Variants in STAB2 observed in about 807,000 individuals in gnomAD.
STAB2 encodes stabilin 2, also known as stabilin-2.
STAB2 carries 288 observed loss-of-function variants against 338.1 expected under a neutral mutation model. The observed-to-expected ratio is 0.85, with a 90% CI of 0.77 to 0.94. The LOEUF is 0.94. STAB2 is among the 40% of genes least tolerant of loss of function. STAB2 has a pLI of 0.00. For synonymous variants in STAB2, 1,202 were observed against 1,193.3 expected, an observed-to-expected ratio of 1.01 and a Z score of -0.15; for missense variants, 3,141 against 3,210.1, an observed-to-expected ratio of 0.98 and a Z score of 0.52.
At chr12:103,695,130 G>A (rs1440897727) in intron 31 of STAB2, among the ~76,000 whole-genome samples, 1 of 152,156 alleles carries the variant, frequency 6.6e-6, no homozygotes, top group Non-Finnish European at 1.5e-5. Context: ...AAAATAAATG[G>A]AGAACCTAAA....
At chr12:103,660,301 T>G (rs1874498259) in intron 15 of STAB2, 30 bp from the exon 16 acceptor site, 1 of 1,611,758 alleles carries the variant, frequency 6.2e-7, no homozygotes, top group African/African-American at 1.3e-5. Flanking sequence ...TTTTCTTCTT[T>G]GACTAAAGAA....
At chr12:103,749,675 C>CA (rs34098671) in intron 59 of STAB2, among the ~76,000 whole-genome samples, 33,514 of 131,564 alleles carry the variant, frequency 0.25, 4,154 homozygotes, top group African/African-American at 0.28. Context: ...TAAAAAAATG[C>CA]AAAAAAAAAA....
chr12:103,695,752 A>T lies in STAB2; in HGVS notation c.3490A>T (p.Asn1164Tyr). The change falls in exon 33 of 69, where the codon AAT becomes TAT. Residue 1164 changes from asparagine (N) to tyrosine (Y), a missense_variant. Physicochemically the swap from Asn to Tyr is moderately radical, Grantham distance 143. Transcript: ENST00000388887. ...RGYIIQYNLANAIEAADAYTV... is the reference protein window; with the variant it reads ...RGYIIQYNLAYAIEAADAYTV... The stretch of plus-strand genomic sequence containing the variant: ...TCCATCGCAGCAATATAATCTGGCG[A>T]ATGCAATTGAGGCTGCCGATGCCTA... 6.2e-7 allele frequency: 1 copy of T among 1,614,190 alleles called. No individual in the cohort carries two copies. Among genetic ancestry groups the T allele is most frequent in the African/African-American group, 1.3e-5 (1 of 75,050 alleles).
intron 41 of STAB2, among the ~76,000 whole-genome samples, chr12:103,712,786 A>T (rs1189870788): frequency 6.6e-6 from 1 of 152,194 alleles, no homozygotes; most frequent in African/African-American, 2.4e-5. Context: ...TGTGTCCATT[A>T]AAAAAGAATT....
In STAB2 at chr12:103,730,234, A is replaced by G. The variant is rs759377811; in HGVS notation, c.5201A>G (p.Lys1734Arg). 1.2e-6 allele frequency: 2 copies of G among 1,613,654 alleles called. No homozygotes were observed. The highest frequency in any genetic ancestry group is 8.5e-7 in the Non-Finnish European group (1 of 1,179,784). Residue 1734 changes from lysine (K) to arginine (R), a missense_variant, in exon 49 of 69, where the codon AAA becomes AGA. Transcript: ENST00000388887. ...CCCAAAAATTTGCTTATCACTCCCA[A>G]AGACAACTCTGGAAGAATTCTGGTA... ...LSPKNLLITP[K>R]DNSGRILQNL...
At chr12:103,711,903 T>C (rs1879898309) in intron 40 of STAB2, among the ~76,000 whole-genome samples, 2 of 152,196 alleles carry the variant, frequency 1.3e-5, no homozygotes, top group Admixed American at 1.3e-4. Context: ...AAGTACCTAG[T>C]AGTGGAGTTA....
At chr12:103,727,155 C>A in intron 46 of STAB2, 112 bp from the exon 47 acceptor site, 1 of 1,054,762 alleles carries the variant, frequency 9.5e-7, no homozygotes, top group East Asian at 2.4e-5. Flanking sequence ...ACAGAGGTCT[C>A]CTCATCCAGT....
chr12:103,741,503 G>T (rs1343657983), intron 55 of STAB2, among the ~76,000 whole-genome samples: 1 of 152,174 alleles, frequency 6.6e-6, no homozygotes, highest in Non-Finnish European at 1.5e-5. Context: ...ACCCAGGCTG[G>T]AGTACAGTGG....
chr12:103,746,085 TC>T (rs1208338557), intron 57 of STAB2, among the ~76,000 whole-genome samples: 3 of 152,102 alleles, frequency 2.0e-5, no homozygotes, highest in Non-Finnish European at 4.4e-5. Context: ...TAACTTGAGT[TC>T]CTCCTCCCTG....
intron 43 of STAB2, among the ~76,000 whole-genome samples, chr12:103,717,118 C>G (rs1469670118): frequency 1.3e-5 from 2 of 152,212 alleles, no homozygotes; most frequent in African/African-American, 4.8e-5. Flanking sequence ...ACAGTGGGAG[C>G]AGGTGTCTCT....
chr12:103,716,334 G>A lies in STAB2; in HGVS notation c.4611+446G>A, dbSNP rs764882047. On this transcript the variant is annotated intron_variant, in intron 43 of 68. Coordinates refer to ENST00000388887, the MANE Select transcript of STAB2 (RefSeq NM_017564.10). ...GCTTGCAGCATCTGTCTGGAGAGCA[G>A]GCTGGGGGAGGTGGGGAAAACATGA... Among the ~76,000 whole-genome samples, 105 of 152,242 alleles carry A rather than the reference G, an allele frequency of 6.9e-4. 1 individual carries two copies. Among genetic ancestry groups the A allele is most frequent in the Non-Finnish European group, 1.5e-4 (10 of 68,044 alleles).
At chr12:103,748,926 G>C in intron 58 of STAB2, 37 bp from the exon 59 acceptor site, 1 of 1,587,296 alleles carries the variant, frequency 6.3e-7, no homozygotes. Flanking sequence ...TTCCACAGAA[G>C]GTGGTAAGTT....
intron 29 of STAB2, 114 bp from the exon 30 acceptor site, chr12:103,690,310 G>C: frequency 1.1e-6 from 1 of 946,134 alleles, no homozygotes; most frequent in Non-Finnish European, 1.6e-6. Flanking sequence ...ACTGCAGGGG[G>C]AACTTGAATT....
intron 3 of STAB2, among the ~76,000 whole-genome samples, chr12:103,614,237 C>T (rs912229907): frequency 2.0e-5 from 3 of 152,092 alleles, no homozygotes; most frequent in Admixed American, 1.3e-4. Context: ...TTTTCTGTGT[C>T]CATTTTGAGG....
intron 37 of STAB2, among the ~76,000 whole-genome samples, chr12:103,706,276 T>G (rs1879340166): frequency 6.6e-6 from 1 of 152,138 alleles, no homozygotes; most frequent in African/African-American, 2.4e-5. Flanking sequence ...TGTGTTTTAA[T>G]GCACTCAAGA....
rs774162152 is a variant in STAB2, at chr12:103,631,591, T to C, written c.488-7T>C. 6.2e-7 allele frequency: 1 copy of C among 1,613,730 alleles called. No individual in the cohort carries two copies. Among genetic ancestry groups the C allele is most frequent in the South Asian group, 1.1e-5 (1 of 91,052 alleles). ...GGTAATAAAAATCCCCCACTTTCTG[T>C]CTCCAGTGTGCAACTGTGTGCATGG... On this transcript the variant is annotated splice_region_variant and splice_polypyrimidine_tract_variant and intron_variant, in intron 5 of 68. Coordinates refer to ENST00000388887, the MANE Select transcript of STAB2 (RefSeq NM_017564.10).
chr12:103,761,178 T>TATCA, intron 65 of STAB2, 122 bp from the exon 66 acceptor site: 1 of 808,840 alleles, frequency 1.2e-6, no homozygotes, highest in Non-Finnish European at 2.0e-6. Context: ...CTGGGCTGCC[T>TATCA]ATCAGTGGAG....
intron 28 of STAB2, among the ~76,000 whole-genome samples, chr12:103,689,574 C>T (rs1365258143): frequency 6.6e-6 from 1 of 152,056 alleles, no homozygotes; most frequent in Non-Finnish European, 1.5e-5. Context: ...CTTGGCTCTT[C>T]ATTTAGACTA....
At chr12:103,702,367 C>T (rs1188304889) in intron 34 of STAB2, among the ~76,000 whole-genome samples, 7 of 151,134 alleles carry the variant, frequency 4.6e-5, no homozygotes, top group African/African-American at 9.7e-5. Context: ...GGTGCGATCT[C>T]GGCTCACTGC....
Sources: allele counts gnomAD v4.1 joint callset (sites outside exome capture counted in the v4.1 genomes callset), GRCh38; gene constraint gnomAD v4.1.1; transcripts MANE v1.5; gene names NCBI Gene and HGNC (gene_info 2026-07-23, HGNC 2026-07-21).